MYH11: variants seen among roughly 807,000 people sequenced by gnomAD.
The protein encoded by MYH11 is myosin-11.
In MYH11, 80 loss-of-function variants were observed where a neutral mutation model predicts 246.6. The ratio of observed to expected loss-of-function variants is 0.32; its 90% CI spans 0.27 to 0.39. The LOEUF (loss-of-function observed/expected upper bound fraction) is 0.39. Ranked by LOEUF, MYH11 falls within the 10% of genes least tolerant of loss-of-function variation. The pLI, the probability that MYH11 is intolerant of heterozygous loss-of-function variation, is 1.00. For missense variants in MYH11, 2,158 were observed against 2,546.8 expected, an observed-to-expected ratio of 0.85 and a Z score of 3.29; for synonymous variants, 1,071 against 1,015.5, an observed-to-expected ratio of 1.05 and a Z score of -1.04.
chr16:15,827,964 C>T (rs1358405193), intron 2 of MYH11, among the ~76,000 whole-genome samples: 1 of 152,224 alleles, frequency 6.6e-6, no homozygotes, highest in Admixed American at 6.5e-5. Flanking sequence ...CCATCTCCAG[C>T]TCCTCTGGGG....
intron 39 of MYH11, 36 bp downstream of exon 39, chr16:15,715,128 C>T: frequency 1.9e-6 from 3 of 1,605,716 alleles, no homozygotes; most frequent in Non-Finnish European, 2.6e-6. Context: ...CGGCTGGGGG[C>T]TGGGGGCTCG....
chr16:15,837,657 C>T (rs1178825619), intron 2 of MYH11, among the ~76,000 whole-genome samples: 1 of 151,954 alleles, frequency 6.6e-6, no homozygotes, highest in Admixed American at 6.6e-5. Context: ...GCCCCAGCCT[C>T]CCCAGTAGCT....
intron 27 of MYH11, among the ~76,000 whole-genome samples, chr16:15,729,151 C>T (rs1025032388): frequency 4.0e-5 from 6 of 151,852 alleles, no homozygotes; most frequent in African/African-American, 7.3e-5. Context: ...AGCAGTGAAG[C>T]GGGGACCCTA....
intron 1 of MYH11, among the ~76,000 whole-genome samples, 174 bp downstream of exon 1, chr16:15,856,767 T>C (rs2044482628): frequency 6.6e-6 from 1 of 151,968 alleles, no homozygotes; most frequent in South Asian, 2.1e-4. Flanking sequence ...TCTAGGATAA[T>C]CTAAGACGAT....
chr16:15,771,802 A>C lies in MYH11; in HGVS notation c.890-90T>G, dbSNP rs528507546. On this transcript the variant is annotated intron_variant, in intron 8 of 40. Coordinates refer to ENST00000300036, the MANE Select transcript of MYH11 (RefSeq NM_002474.3). ...GATCTGGTCAAGGGTCTGGGCCATC[A>C]TAATTCCTTTCCCTTTATCAAGGCT... 1.8e-5 allele frequency: 27 copies of C among 1,520,478 alleles called. No homozygotes were observed. The Admixed American group carries it at 2.7e-4, about 15-fold the overall frequency. 94.2% of individuals were successfully genotyped at this position (1,520,478 alleles called of 1,614,324 possible).
chr16:15,784,824 G>C, intron 5 of MYH11: 2 of 1,281,648 alleles, frequency 1.6e-6, no homozygotes, highest in Non-Finnish European at 2.2e-6. Flanking sequence ...ACAGCCTGGA[G>C]TCTCCCAGAC....
chr16:15,725,515 T>C (rs553612238), intron 28 of MYH11: 83 of 421,154 alleles, frequency 2.0e-4, no homozygotes, highest in African/African-American at 1.4e-3. Context: ...ACGTCCTCTC[T>C]GTATTCTCTG....
chr16:15,757,622 G>A (rs1290451869), intron 13 of MYH11, among the ~76,000 whole-genome samples: 1 of 147,940 alleles, frequency 6.8e-6, no homozygotes, highest in Non-Finnish European at 1.5e-5. Context: ...AGAAATTAAA[G>A]AAAATACCTT....
At chr16:15,840,084 G>A (rs1353896181) in intron 1 of MYH11, among the ~76,000 whole-genome samples, 1 of 152,032 alleles carries the variant, frequency 6.6e-6, no homozygotes, top group Non-Finnish European at 1.5e-5. Flanking sequence ...CCAGTGGCAA[G>A]GAAAGGAATG....
intron 4 of MYH11, among the ~76,000 whole-genome samples, chr16:15,793,911 C>T (rs1280987091): frequency 2.1e-5 from 3 of 142,020 alleles, no homozygotes; most frequent in Non-Finnish European, 4.5e-5. Context: ...GCGTGAGCCA[C>T]GGTGCGTGGC....
intron 40 of MYH11, among the ~76,000 whole-genome samples, chr16:15,706,230 G>A (rs988608737): frequency 2.0e-5 from 3 of 152,094 alleles, no homozygotes; most frequent in Non-Finnish European, 4.4e-5. Context: ...AGCCCTACTA[G>A]AGAACTCTCC....
At chr16:15,828,709 C>G (rs987554620) in intron 2 of MYH11, among the ~76,000 whole-genome samples, 1 of 150,452 alleles carries the variant, frequency 6.6e-6, no homozygotes, top group Non-Finnish European at 1.5e-5. Context: ...AGGAGAATCA[C>G]TTGAACCCAG....
chr16:15,711,556 AC>A (rs2039796166), intron 40 of MYH11, among the ~76,000 whole-genome samples: 1 of 152,188 alleles, frequency 6.6e-6, no homozygotes, highest in Non-Finnish European at 1.5e-5. Context: ...TATGATTAAA[AC>A]TGTTAAAAGA....
chr16:15,756,209 G>T, intron 14 of MYH11, 132 bp downstream of exon 14: 1 of 981,612 alleles, frequency 1.0e-6, no homozygotes, highest in Non-Finnish European at 1.6e-6. Flanking sequence ...GACTTGGTTG[G>T]GATTCGCTTA....
At chr16:15,712,248 T>C (rs1170895159) in intron 40 of MYH11, among the ~76,000 whole-genome samples, 2 of 152,152 alleles carry the variant, frequency 1.3e-5, no homozygotes, top group Non-Finnish European at 2.9e-5. Flanking sequence ...TCTGAGGTTC[T>C]AGGAAGAAGC....
At chr16:15,719,356 C>T (rs1258619960) in intron 35 of MYH11, 48 bp from the exon 36 acceptor site, 1 of 1,585,948 alleles carries the variant, frequency 6.3e-7, no homozygotes, top group South Asian at 1.1e-5. Flanking sequence ...AAGGCCAAGC[C>T]CCACCAAGAG....
chr16:15,714,582 G>T (rs143099185), intron 40 of MYH11: 1 of 479,150 alleles, frequency 2.1e-6, no homozygotes, highest in Non-Finnish European at 3.8e-6. Flanking sequence ...AATGGATGTC[G>T]TGAAGACTCA....
At chr16:15,844,282 C>T (rs1424126055) in intron 1 of MYH11, among the ~76,000 whole-genome samples, 2 of 152,168 alleles carry the variant, frequency 1.3e-5, no homozygotes, top group Admixed American at 1.3e-4. Flanking sequence ...ACTGCAACCT[C>T]CACCTCCTAG....
At chr16:15,742,162 G>A in intron 20 of MYH11, 1 of 555,254 alleles carries the variant, frequency 1.8e-6, no homozygotes, top group Non-Finnish European at 3.3e-6. Flanking sequence ...ATCAACAGTG[G>A]CAAGACTGAG....
Sources: allele counts gnomAD v4.1 joint callset (sites outside exome capture counted in the v4.1 genomes callset), GRCh38; gene constraint gnomAD v4.1.1; transcripts MANE v1.5; gene names NCBI Gene and HGNC (gene_info 2026-07-23, HGNC 2026-07-21).